SUSD4: variants seen among roughly 807,000 people sequenced by gnomAD.
The protein encoded by SUSD4 is sushi domain containing 4.
SUSD4 carries 41 observed loss-of-function variants against 50.5 expected under a neutral mutation model. The observed-to-expected ratio is 0.81, with a 90% CI of 0.63 to 1.05. The LOEUF is 1.05. Ranked by LOEUF, SUSD4 falls within the 50% of genes least tolerant of loss-of-function variation. The pLI is 0.00. For missense variants in SUSD4, 580 were observed against 634.7 expected (o/e 0.91, Z 0.93); for synonymous variants, 257 against 257.3 (o/e 1.00, Z 0.01).
At chr1:223,337,357 G>A (rs1170203823) in intron 2 of SUSD4, among the ~76,000 whole-genome samples, 1 of 152,200 alleles carries the variant, frequency 6.6e-6, no homozygotes, top group African/African-American at 2.4e-5. Context: ...TTAGTACAAT[G>A]CATGAATGAA....
chr1:223,299,555 G>T (rs1665049411), intron 2 of SUSD4, among the ~76,000 whole-genome samples: 1 of 152,138 alleles, frequency 6.6e-6, no homozygotes, highest in African/African-American at 2.4e-5. Context: ...GATAGCCTTT[G>T]TGATGGTTCA....
At chr1:223,330,585 C>T (rs189112938) in intron 2 of SUSD4, among the ~76,000 whole-genome samples, 1 of 152,176 alleles carries the variant, frequency 6.6e-6, no homozygotes, top group Non-Finnish European at 1.5e-5. Context: ...AATAACAACA[C>T]CATTTGTCTT....
chr1:223,308,395 T>C (rs1241344017), intron 2 of SUSD4, among the ~76,000 whole-genome samples: 1 of 152,104 alleles, frequency 6.6e-6, no homozygotes, highest in Admixed American at 6.6e-5. Flanking sequence ...CCTTCCACCA[T>C]GATTGTAAGG....
Position 223,221,843 on chromosome 1 carries a change from T to G in SUSD4, c.*349A>C. The G allele has an allele frequency of 4.3e-6, 1 of 233,948 alleles. No individual in the cohort carries two copies. Among genetic ancestry groups the G allele is most frequent in the Non-Finnish European group, 8.2e-6 (1 of 122,084 alleles). 14.5% of individuals were successfully genotyped at this position (233,948 alleles called of 1,614,324 possible). ...ACATGCTTTCAGAGGGGGCGGGGAG[T>G]ACTTGCCAGTCAATGGGATGCGTGA... On this transcript the variant is annotated 3_prime_UTR_variant, in exon 9 of 9. Transcript: ENST00000366878.
At chr1:223,337,467 A>T (rs955891716) in intron 2 of SUSD4, among the ~76,000 whole-genome samples, 4 of 152,192 alleles carry the variant, frequency 2.6e-5, no homozygotes, top group Non-Finnish European at 5.9e-5. Context: ...TGTGAGGGAG[A>T]AATATATCTA....
At chr1:223,268,052 C>T (rs1487081434) in intron 4 of SUSD4, among the ~76,000 whole-genome samples, 110 of 48,224 alleles carry the variant, frequency 2.3e-3, no homozygotes, top group African/African-American at 0.012. Context: ...TACACACACA[C>T]TGTTAAGAGA....
intron 5 of SUSD4, among the ~76,000 whole-genome samples, chr1:223,240,330 G>A (rs1017745238): frequency 1.3e-5 from 2 of 151,988 alleles, no homozygotes; most frequent in Admixed American, 1.3e-4. Context: ...CTGGATCTGT[G>A]GTTTGGTGTC....
chr1:223,251,651 A>G (rs910515535), intron 5 of SUSD4, among the ~76,000 whole-genome samples: 7 of 152,192 alleles, frequency 4.6e-5, no homozygotes, highest in Admixed American at 3.9e-4. Context: ...CCAGTCTATC[A>G]TTGTTGGACA....
intron 5 of SUSD4, among the ~76,000 whole-genome samples, chr1:223,256,311 C>T (rs978531239): frequency 1.3e-5 from 2 of 152,292 alleles, no homozygotes; most frequent in South Asian, 4.2e-4. Context: ...GGAGTCAGGT[C>T]AGGGCTGGTT....
At position 223,332,618 on chromosome 1, in the gene SUSD4, T is replaced by TCTCA. The variant is rs1667236332; in HGVS notation, c.148+30659_148+30660insTGAG. On this transcript the variant is annotated intron_variant, in intron 2 of 8. Transcript: ENST00000366878. This position sits in a 1 kb window ranked among gnomAD's most constrained non-coding sequence, Gnocchi z 4.0. ...AAAATACATCTCAGGCACTGAAACA[T>TCTCA]GGCCTGACCACACTGTAGCAAGTAA... 1.3e-5 allele frequency among the ~76,000 whole-genome samples: 2 copies of TCTCA among 152,308 alleles called. No homozygotes were observed. Among genetic ancestry groups the TCTCA allele is most frequent in the African/African-American group, 4.8e-5 (2 of 41,568 alleles).
intron 2 of SUSD4, among the ~76,000 whole-genome samples, chr1:223,309,227 C>T (rs1384077370): frequency 6.6e-6 from 1 of 152,194 alleles, no homozygotes; most frequent in Non-Finnish European, 1.5e-5. Flanking sequence ...TAGCCCAGTA[C>T]ACACCCCAAC....
chr1:223,280,743 G>A (rs1663656549), intron 3 of SUSD4, among the ~76,000 whole-genome samples: 1 of 151,786 alleles, frequency 6.6e-6, no homozygotes, highest in East Asian at 1.9e-4. Flanking sequence ...GGACCTAATA[G>A]GCATCTACAG....
intron 2 of SUSD4, among the ~76,000 whole-genome samples, chr1:223,343,181 G>A (rs1223948069): frequency 3.9e-5 from 6 of 152,022 alleles, no homozygotes; most frequent in Non-Finnish European, 8.8e-5. Flanking sequence ...CCTCCACTGA[G>A]AACACACTCT....
At chr1:223,342,989 G>C (rs148258682) in intron 2 of SUSD4, among the ~76,000 whole-genome samples, 53 of 152,228 alleles carry the variant, frequency 3.5e-4, no homozygotes, top group Admixed American at 7.2e-4. Context: ...AAATGAATAA[G>C]AAAAAGATAA....
Position 223,223,630 on chromosome 1 carries a change from C to T in SUSD4, c.1063G>A (p.Gly355Arg). 6.2e-7 allele frequency: 1 copy of T among 1,600,482 alleles called. No homozygotes were observed. The highest frequency in any genetic ancestry group is 8.5e-7 in the Non-Finnish European group (1 of 1,172,180). The stretch of plus-strand genomic sequence containing the variant: ...TCACTGCTGGAACTCCGGGGAGGCC[C>T]CCTGTGTAAAGGAAAGAAGTGCCAA... ...TKFKAHFPPR[G>R]PPRSSSSDPD... is the part of the protein sequence containing the mutation. The change falls in exon 8 of 9, where the codon GGG (glycine) becomes AGG (arginine). Residue 355 changes from glycine (G) to arginine (R), a missense_variant and splice_region_variant. Coordinates refer to ENST00000366878, the MANE Select transcript of SUSD4 (RefSeq NM_017982.4).
intron 2 of SUSD4, among the ~76,000 whole-genome samples, chr1:223,301,092 ATTTCAGT>A (rs1460541986): frequency 2.6e-5 from 4 of 152,188 alleles, no homozygotes; most frequent in Non-Finnish European, 5.9e-5. Flanking sequence ...TTCCTACCAT[ATTTCAGT>A]TTGTGAATGA....
chr1:223,339,324 A>G (rs1317048293), intron 2 of SUSD4, among the ~76,000 whole-genome samples: 1 of 152,176 alleles, frequency 6.6e-6, no homozygotes, highest in Admixed American at 6.5e-5. Context: ...AAGAGACTAA[A>G]TGTGGACTAT....
At chr1:223,232,101 A>G (rs937257648) in intron 5 of SUSD4, among the ~76,000 whole-genome samples, 47 of 152,226 alleles carry the variant, frequency 3.1e-4, no homozygotes, top group African/African-American at 1.0e-3. Context: ...TTTCACTTAT[A>G]TGTGAAATCT....
rs1485624751 is a variant in SUSD4 at position 223,292,581 on chromosome 1, C to T, written c.219G>A (p.Gly73=). Residue 73 remains glycine (G), a synonymous_variant, in exon 3 of 9, where the codon GGG becomes GGA. Coordinates refer to ENST00000366878, the MANE Select transcript of SUSD4 (RefSeq NM_017982.4). ...GGGCTACAGAGCCTTCAAAGAAAACCCCTCCGCTGGGGGTCCTGAAGCCAT... is the reference window on the plus strand; with the variant it reads ...GGGCTACAGAGCCTTCAAAGAAAACTCCTCCGCTGGGGGTCCTGAAGCCAT... The part of the protein sequence containing the change: ...PENGFRTPSG[G]VFFEGSVARF... 4.3e-6 allele frequency: 7 copies of T among 1,613,986 alleles called. No homozygotes were observed. The highest frequency in any genetic ancestry group is 1.7e-5 in the Admixed American group (1 of 59,986).
Sources: allele counts gnomAD v4.1 joint callset (sites outside exome capture counted in the v4.1 genomes callset), GRCh38; gene constraint gnomAD v4.1.1; non-coding constraint Gnocchi (gnomAD v3.1); transcripts MANE v1.5; gene names NCBI Gene and HGNC (gene_info 2026-07-23, HGNC 2026-07-21).